The following TRPV3 variants were observed in gnomAD, a reference collection of about 807,000 sequenced individuals.
TRPV3 encodes transient receptor potential cation channel subfamily V member 3.
In TRPV3, 88 loss-of-function variants were observed where a neutral mutation model predicts 87.1. The ratio of observed to expected loss-of-function variants is 1.01; its 90% CI spans 0.85 to 1.21. The LOEUF (loss-of-function observed/expected upper bound fraction) is 1.21, where lower values mean the gene tolerates loss of function less well. TRPV3 is among the 50% of genes most tolerant of loss of function. The pLI, the probability that TRPV3 is intolerant of heterozygous loss-of-function variation, is 0.00. For synonymous variants in TRPV3, 438 were observed against 423.3 expected (o/e 1.03, Z -0.43); for missense variants, 1,054 against 1,030.1 (o/e 1.02, Z -0.32).
chr17:3,518,278 C>CTCCT lies in TRPV3; in HGVS notation c.2085+294_2085+297dup, dbSNP rs1442081251. On this transcript the variant is annotated intron_variant, in intron 15 of 17. Coordinates refer to ENST00000576742, the MANE Select transcript of TRPV3 (RefSeq NM_145068.4). The surrounding 1 kb of genome is among the most constrained non-coding windows in gnomAD (Gnocchi z 4.3). ...CACCTCCACTGTCCTAGACGCTGTA[C>CTCCT]TCCTCTTAATGCAACCTAAGGTCAA... Among the ~76,000 whole-genome samples, 1 of 152,214 alleles carries CTCCT rather than the reference C, an allele frequency of 6.6e-6. No individual in the cohort carries two copies. The highest frequency in any genetic ancestry group is 1.5e-5 in the Non-Finnish European group (1 of 68,042).
At chr17:3,525,235 G>A (rs1298110855) in intron 12 of TRPV3, among the ~76,000 whole-genome samples, 1 of 152,194 alleles carries the variant, frequency 6.6e-6, no homozygotes, top group Non-Finnish European at 1.5e-5. Flanking sequence ...GGCCAGGCTG[G>A]TCTCGAACTT....
In TRPV3 at chr17:3,546,955, G is replaced by A. The variant is rs1268664523; in HGVS notation, c.120-1684C>T. On this transcript the variant is annotated intron_variant, in intron 2 of 17. Transcript: ENST00000576742. ...TGCACTCCAGCCTGAGTAACAGAGC[G>A]GGACTCCTTCTCAAAAAAAAAAAAC... 1.0e-4 allele frequency among the ~76,000 whole-genome samples: 8 copies of A among 78,336 alleles called. No individual in the cohort carries two copies. The South Asian group carries it at 1.9e-3, about 19-fold the overall frequency. The allele number at this position is 78,336 out of a possible 152,430, so 51.4% of individuals were successfully genotyped here.
intron 6 of TRPV3, 118 bp from the exon 7 acceptor site, chr17:3,535,831 T>C: frequency 8.5e-7 from 1 of 1,183,308 alleles, no homozygotes. Flanking sequence ...CCCTGGTCTG[T>C]GTCGCCAGCT....
Position 3,543,499 on chromosome 17 carries a change from C to A in TRPV3, c.441G>T (p.Arg147Ser). 1 of 1,613,752 alleles carries A rather than the reference C, an allele frequency of 6.2e-7. No individual in the cohort carries two copies. The highest frequency in any genetic ancestry group is 1.3e-5 in the African/African-American group (1 of 75,054). Residue 147 changes from arginine (R) to serine (S), a missense_variant, in exon 5 of 18, where the codon AGG becomes AGT. Arg to Ser is a moderately radical substitution (Grantham distance 110, BLOSUM62 -1). Transcript: ENST00000576742. Reference sequence around the variant, plus strand: ...CAGGCACATCCTCATCATGGCGCCGCCTGCAAAGCTCCTGCAGCTCCACCA... The same window carrying A: ...CAGGCACATCCTCATCATGGCGCCGACTGCAAAGCTCCTGCAGCTCCACCA... Reference protein sequence around the residue: ...ELLVELQELCRRRHDEDVPDF... With the variant: ...ELLVELQELCSRRHDEDVPDF...
intron 4 of TRPV3, among the ~76,000 whole-genome samples, chr17:3,543,907 T>A (rs1392862159): frequency 6.6e-6 from 1 of 152,218 alleles, no homozygotes; most frequent in African/African-American, 2.4e-5. Context: ...AAATATAAGA[T>A]TTCATATTTT....
At chr17:3,521,327 G>A (rs2074244039) in intron 13 of TRPV3, among the ~76,000 whole-genome samples, 2 of 152,144 alleles carry the variant, frequency 1.3e-5, no homozygotes, top group Admixed American at 6.5e-5. Flanking sequence ...CACTTGCTGG[G>A]GGCAGTGGCA....
At chr17:3,514,506 G>T in intron 17 of TRPV3, 87 bp downstream of exon 17, 2 of 918,118 alleles carry the variant, frequency 2.2e-6, no homozygotes, top group Non-Finnish European at 1.8e-6. Flanking sequence ...GACAGATGGG[G>T]AAAGTCAGGA....
Position 3,532,783 on chromosome 17 carries a change from C to T in TRPV3, c.939G>A (p.Gln313=). The T allele has an allele frequency of 6.2e-7, 1 of 1,614,224 alleles. No homozygotes were observed. ...LVTVAEDFKT[Q]NDFVKRMYDM... is the part of the protein sequence containing the mutation. ...CGTACATGCGCTTCACAAAGTCATT[C>T]TGCGTCTTGAAGTCCTCGGCCACGG... Residue 313 remains glutamine, a synonymous_variant, in exon 8 of 18, where the codon CAG becomes CAA. Coordinates refer to ENST00000576742, the MANE Select transcript of TRPV3 (RefSeq NM_145068.4).
At chr17:3,555,740 G>C (rs1213511022) in intron 1 of TRPV3, among the ~76,000 whole-genome samples, 1 of 152,230 alleles carries the variant, frequency 6.6e-6, no homozygotes, top group Admixed American at 6.5e-5. Context: ...AAGCCGGGCA[G>C]AGGACAGAGC....
At chr17:3,540,438 G>A (rs1242923382) in intron 6 of TRPV3, among the ~76,000 whole-genome samples, 1 of 152,180 alleles carries the variant, frequency 6.6e-6, no homozygotes, top group African/African-American at 2.4e-5. Context: ...CCCAGCAAGA[G>A]GCAGATTCAT....
chr17:3,516,652 T>A (rs1357335098), intron 15 of TRPV3, 83 bp from the exon 16 acceptor site: 1 of 953,134 alleles, frequency 1.0e-6, no homozygotes, highest in Non-Finnish European at 1.7e-6. Context: ...GGGAGCCCAC[T>A]CCACCCTCAC....
In TRPV3 at chr17:3,530,353, G is replaced by A; in HGVS notation, c.1066-150C>T. On this transcript the variant is annotated intron_variant, in intron 8 of 17. Coordinates refer to ENST00000576742, the MANE Select transcript of TRPV3 (RefSeq NM_145068.4). This position sits in a 1 kb window ranked among gnomAD's most constrained non-coding sequence, Gnocchi z 4.0. ...CTGCGCCTGGCGCCATGGCCCCTGG[G>A]CCCCGTCTTTATCTGTGGAATGCGC... 1.4e-6 allele frequency: 1 copy of A among 696,614 alleles called. No individual in the cohort carries two copies. Among genetic ancestry groups the A allele is most frequent in the East Asian group, 2.8e-5 (1 of 35,130 alleles). 43.2% of individuals were successfully genotyped at this position (696,614 alleles called of 1,614,324 possible). A position where few individuals can be genotyped will look rare whatever the true frequency, so the allele number is the denominator to read the frequency against.
chr17:3,536,418 G>A lies in TRPV3; in HGVS notation c.644-705C>T, dbSNP rs116737882. On this transcript the variant is annotated intron_variant, in intron 6 of 17. Transcript: ENST00000576742. ...AGCCTGACCAACATGGTGAAACATG[G>A]TCTGTACTAAAAATACAAAATTAGC... Among the ~76,000 whole-genome samples, 1,421 of 152,248 alleles carry A rather than the reference G, an allele frequency of 9.3e-3. 27 individuals carry two copies. The highest frequency in any genetic ancestry group is 0.033 in the African/African-American group (1,390 of 41,554).
intron 2 of TRPV3, 76 bp from the exon 3 acceptor site, chr17:3,545,347 C>T: frequency 8.7e-7 from 1 of 1,144,064 alleles, no homozygotes. Context: ...CTCCTGGCCC[C>T]AGAGGGTGCC....
chr17:3,533,539 G>A (rs913290298), intron 7 of TRPV3, among the ~76,000 whole-genome samples: 10 of 141,498 alleles, frequency 7.1e-5, no homozygotes, highest in Non-Finnish European at 1.4e-4. Context: ...CTACTCTGTC[G>A]CCAGGCTGGA....
At chr17:3,515,100 C>T (rs1357328733) in intron 16 of TRPV3, among the ~76,000 whole-genome samples, 1 of 152,104 alleles carries the variant, frequency 6.6e-6, no homozygotes, top group Non-Finnish European at 1.5e-5. Context: ...AGGGTCAGTG[C>T]CCCAACAAGA....
At chr17:3,522,820 C>CAAAAAAA (rs772785322) in intron 13 of TRPV3, among the ~76,000 whole-genome samples, 6 of 64,712 alleles carry the variant, frequency 9.3e-5, no homozygotes, top group East Asian at 9.7e-4. Flanking sequence ...CAGTCACAAA[C>CAAAAAAA]AAAAAAAAAA....
chr17:3,532,808 G>A lies in TRPV3; in HGVS notation c.914C>T (p.Thr305Ile), dbSNP rs1266598625. Residue 305 changes from threonine (T) to isoleucine (I), a missense_variant, in exon 8 of 18, where the codon ACC (threonine) becomes ATC (isoleucine). Coordinates refer to ENST00000576742, the MANE Select transcript of TRPV3 (RefSeq NM_145068.4). ...CTGCGTCTTGAAGTCCTCGGCCACG[G>A]TCACCAGGGCGTGAAGGATGTTGTT... ...RGNNILHALV[T>I]VAEDFKTQND... 6.2e-7 allele frequency: 1 copy of A among 1,614,256 alleles called. No homozygotes were observed. Among genetic ancestry groups the A allele is most frequent in the Admixed American group, 1.7e-5 (1 of 60,032 alleles).
intron 12 of TRPV3, among the ~76,000 whole-genome samples, chr17:3,524,733 G>A (rs72816019): frequency 0.22 from 33,970 of 151,068 alleles, 3,946 homozygotes; most frequent in Middle Eastern, 0.31. Context: ...ACACTTTGGG[G>A]GGCTGAGATA....
Sources: allele counts gnomAD v4.1 joint callset (sites outside exome capture counted in the v4.1 genomes callset), GRCh38; gene constraint gnomAD v4.1.1; non-coding constraint Gnocchi (gnomAD v3.1); transcripts MANE v1.5; gene names NCBI Gene and HGNC (gene_info 2026-07-23, HGNC 2026-07-21).